Variants in CUX2 observed in about 807,000 individuals in gnomAD.
The protein encoded by CUX2 is homeobox protein cut-like 2.
A neutral mutation model predicts 144.8 loss-of-function variants in CUX2; 40 were observed. That is an observed-to-expected ratio of 0.28 (90% CI 0.21 to 0.36). The LOEUF (loss-of-function observed/expected upper bound fraction) is 0.36, where lower values mean the gene tolerates loss of function less well. CUX2 is among the 10% of genes least tolerant of loss of function. The pLI is 1.00. For synonymous variants in CUX2, 827 were observed against 875.6 expected, an observed-to-expected ratio of 0.94 and a Z score of 0.98; for missense variants, 1,615 against 1,994.0, an observed-to-expected ratio of 0.81 and a Z score of 3.62.
At chr12:111,202,697 C>A (rs1880671529) in intron 1 of CUX2, among the ~76,000 whole-genome samples, 1 of 152,052 alleles carries the variant, frequency 6.6e-6, no homozygotes, top group Admixed American at 6.6e-5. Context: ...AGGAGGCGGG[C>A]AGGGAAAGCA....
At chr12:111,159,434 G>T (rs1877612958) in intron 1 of CUX2, among the ~76,000 whole-genome samples, 1 of 151,828 alleles carries the variant, frequency 6.6e-6, no homozygotes, top group Non-Finnish European at 1.5e-5. Flanking sequence ...ACAGGCATGA[G>T]CTACTGAGCC....
At chr12:111,268,194 C>G (rs1331509669) in intron 4 of CUX2, among the ~76,000 whole-genome samples, 3 of 149,252 alleles carry the variant, frequency 2.0e-5, no homozygotes, top group Admixed American at 2.0e-4. Context: ...TCGGCAAAGA[C>G]ACTTTGGTTT....
intron 16 of CUX2, among the ~76,000 whole-genome samples, chr12:111,314,406 C>CG (rs1887064947): frequency 6.6e-6 from 1 of 151,996 alleles, no homozygotes; most frequent in Non-Finnish European, 1.5e-5. Flanking sequence ...AGGCCGAGGC[C>CG]AAGGCGGGCA....
intron 1 of CUX2, among the ~76,000 whole-genome samples, chr12:111,158,355 C>T (rs1336439175): frequency 6.6e-6 from 1 of 151,726 alleles, no homozygotes; most frequent in African/African-American, 2.4e-5. Context: ...TGCCTATAAT[C>T]CCAGCACTTT....
intron 1 of CUX2, among the ~76,000 whole-genome samples, chr12:111,210,385 G>A (rs988475108): frequency 2.6e-5 from 4 of 151,964 alleles, no homozygotes; most frequent in African/African-American, 9.7e-5. Context: ...ATACTCTACC[G>A]GTCTTCCTTT....
intron 1 of CUX2, among the ~76,000 whole-genome samples, chr12:111,074,766 G>A (rs942471913): frequency 1.3e-5 from 2 of 152,034 alleles, no homozygotes; most frequent in South Asian, 2.1e-4. Flanking sequence ...AACAGCAGAC[G>A]GCGGCAGGGC....
intron 1 of CUX2, among the ~76,000 whole-genome samples, chr12:111,098,397 C>T (rs1872965385): frequency 6.9e-6 from 1 of 144,656 alleles, no homozygotes; most frequent in Non-Finnish European, 1.5e-5. Flanking sequence ...GAGACTTCGT[C>T]TCAAAAAAAA....
chr12:111,174,704 C>G (rs1237530776), intron 1 of CUX2, among the ~76,000 whole-genome samples: 3 of 152,218 alleles, frequency 2.0e-5, no homozygotes, highest in Non-Finnish European at 4.4e-5. Flanking sequence ...AAGATTCCCT[C>G]TACAGACTGG....
chr12:111,322,486 G>A lies in CUX2; in HGVS notation c.2832G>A (p.Leu944=), dbSNP rs536312229. ...CCCGGCCGAAGCCATGGAGCAAGCTGACGCAGAAGGGGCGGGAGCCCTTCA... is the reference window on the plus strand; with the variant it reads ...CCCGGCCGAAGCCATGGAGCAAGCTAACGCAGAAGGGGCGGGAGCCCTTCA... ...MLSRPKPWSK[L]TQKGREPFIR... The change falls in exon 18 of 22, where the codon CTG becomes CTA. Residue 944 remains leucine, a synonymous_variant. Coordinates refer to ENST00000261726, the MANE Select transcript of CUX2 (RefSeq NM_015267.4). The surrounding 1 kb of genome is among the most constrained non-coding windows in gnomAD (Gnocchi z 4.2). 3 of 1,600,286 alleles carry A rather than the reference G, an allele frequency of 1.9e-6. No individual in the cohort carries two copies. In the East Asian group the frequency reaches 6.8e-5, roughly 36 times the overall value.
At chr12:111,328,938 C>CCTCTCTCTCTCTCTCTCTCT (rs1460303520) in intron 18 of CUX2, among the ~76,000 whole-genome samples, 1 of 56,532 alleles carries the variant, frequency 1.8e-5, no homozygotes, top group African/African-American at 1.2e-4. Context: ...TTTTGATTCA[C>CCTCTCTCTCTCTCTCTCTCT]CTATCTCTCT....
chr12:111,145,422 A>G (rs910979355), intron 1 of CUX2, among the ~76,000 whole-genome samples: 1 of 152,204 alleles, frequency 6.6e-6, no homozygotes, highest in Non-Finnish European at 1.5e-5. Flanking sequence ...TGATTGGAGT[A>G]CAGTGGCATG....
intron 1 of CUX2, among the ~76,000 whole-genome samples, chr12:111,204,666 C>A (rs532147656): frequency 6.8e-4 from 104 of 152,292 alleles, no homozygotes; most frequent in African/African-American, 2.5e-3. Flanking sequence ...TCAGATGACA[C>A]CTGCATCCTA....
rs962251399 is a variant in CUX2, at chr12:111,350,234, C to G, written c.*1909C>G. On this transcript the variant is annotated 3_prime_UTR_variant, in exon 22 of 22. Transcript: ENST00000261726. ...ATTAAGACAACCGTGGGGGAACACA[C>G]CACTTTTTACTGTTGAAACCAACAC... is the stretch of plus-strand genomic sequence containing the variant. 2.0e-5 allele frequency: 3 copies of G among 152,432 alleles called. No homozygotes were observed. Among genetic ancestry groups the G allele is most frequent in the African/African-American group, 7.2e-5 (3 of 41,444 alleles). The allele number at this position is 152,432 out of a possible 1,614,324, so 9.4% of individuals were successfully genotyped here.
At chr12:111,245,194 A>G (rs1257640192) in intron 3 of CUX2, among the ~76,000 whole-genome samples, 1 of 151,948 alleles carries the variant, frequency 6.6e-6, no homozygotes, top group Non-Finnish European at 1.5e-5. Flanking sequence ...GTTTTGTTCT[A>G]TGGTATGGCA....
chr12:111,286,046 G>A (rs1885362736), intron 4 of CUX2, among the ~76,000 whole-genome samples: 1 of 152,170 alleles, frequency 6.6e-6, no homozygotes, highest in Non-Finnish European at 1.5e-5. Context: ...GAATCTTTGG[G>A]TCTCAGAGTA....
chr12:111,035,427 C>T lies in CUX2; in HGVS notation c.63+1187C>T, dbSNP rs1869385315. On this transcript the variant is annotated intron_variant, in intron 1 of 21. Coordinates refer to ENST00000261726, the MANE Select transcript of CUX2 (RefSeq NM_015267.4). The surrounding 1 kb of genome is among the most constrained non-coding windows in gnomAD (Gnocchi z 6.0). ...GGCGCGGCTCCGGCCTCTGTTCTTT[C>T]CCGGAGTGCCCCGGACGCGCCTGGC... Among the ~76,000 whole-genome samples the T allele has an allele frequency of 6.6e-6, 1 of 151,924 alleles. No individual in the cohort carries two copies. Among genetic ancestry groups the T allele is most frequent in the African/African-American group, 2.4e-5 (1 of 41,344 alleles).
chr12:111,132,220 G>T (rs1875533553), intron 1 of CUX2, among the ~76,000 whole-genome samples: 2 of 152,204 alleles, frequency 1.3e-5, no homozygotes, highest in Non-Finnish European at 2.9e-5. Context: ...CTGAAGCCAT[G>T]GCCCGAGCTG....
At chr12:111,159,275 G>C (rs993484001) in intron 1 of CUX2, among the ~76,000 whole-genome samples, 1 of 151,904 alleles carries the variant, frequency 6.6e-6, no homozygotes, top group Non-Finnish European at 1.5e-5. Flanking sequence ...AACCTTCAAA[G>C]GTAGCTGAGA....
intron 1 of CUX2, among the ~76,000 whole-genome samples, chr12:111,143,442 C>T (rs904054067): frequency 2.6e-5 from 4 of 152,112 alleles, no homozygotes; most frequent in South Asian, 2.1e-4. Flanking sequence ...TACACAGGCC[C>T]GGGACCCCAG....
Sources: allele counts gnomAD v4.1 joint callset (sites outside exome capture counted in the v4.1 genomes callset), GRCh38; gene constraint gnomAD v4.1.1; non-coding constraint Gnocchi (gnomAD v3.1); transcripts MANE v1.5; gene names NCBI Gene and HGNC (gene_info 2026-07-23, HGNC 2026-07-21).